Variants in ZNF99 observed in about 807,000 individuals in gnomAD.
ZNF99 encodes the protein zinc finger protein ENSP00000375192.
A neutral mutation model predicts 12.8 loss-of-function variants in ZNF99; 8 were observed. That is an observed-to-expected ratio of 0.62 (90% CI 0.37 to 1.13). The LOEUF is 1.13. Ranked by LOEUF, ZNF99 falls within the 50% of genes most tolerant of loss-of-function variation. ZNF99 has a pLI of 0.02. For missense variants in ZNF99, 1,007 were observed against 1,006.2 expected, an observed-to-expected ratio of 1.00 and a Z score of -0.01; for synonymous variants, 318 against 319.0, an observed-to-expected ratio of 1.00 and a Z score of 0.03.
Position 22,755,490 on chromosome 19 carries a change from G to T in ZNF99, c.*1824C>A, listed in dbSNP as rs2145136807. The T allele has an allele frequency of 3.4e-6, 1 of 291,874 alleles. No homozygotes were observed. The allele number at this position is 291,874 out of a possible 1,614,324, so 18.1% of individuals were successfully genotyped here. A position where few individuals can be genotyped will look rare whatever the true frequency, so the allele number is the denominator to read the frequency against. On this transcript the variant is annotated 3_prime_UTR_variant, in exon 4 of 4. Coordinates refer to ENST00000596209, the MANE Select transcript of ZNF99 (RefSeq NM_001080409.3). ...CTCTAATTTATCTTATATTCAGTAA[G>T]ATCTGAGAACCCGTTAGAAGCTTTG...
chr19:22,756,434 T>C lies in ZNF99; in HGVS notation c.*880A>G. On this transcript the variant is annotated 3_prime_UTR_variant, in exon 4 of 4. Transcript: ENST00000596209. ...AGTAAGGTTTGAGGACTAAATGCTT[T>C]ACCACACTCTTCACATTTGTAGGGT... is the stretch of plus-strand genomic sequence containing the variant. The C allele has an allele frequency of 6.3e-7, 1 of 1,586,478 alleles. No individual in the cohort carries two copies. Among genetic ancestry groups the C allele is most frequent in the Non-Finnish European group, 8.6e-7 (1 of 1,167,824 alleles).
Position 22,754,328 on chromosome 19 carries a change from T to C in ZNF99, c.*2986A>G, listed in dbSNP as rs558669091. The stretch of plus-strand genomic sequence containing the variant: ...GTTGCAATGAACTGAGATTGCACCA[T>C]TGCACTCCAATTTGGGCGACAGAGT... On this transcript the variant is annotated 3_prime_UTR_variant, in exon 4 of 4. Transcript: ENST00000596209. 285 of 434,402 alleles carry C rather than the reference T, an allele frequency of 6.6e-4. 1 individual carries two copies. The highest frequency in any genetic ancestry group is 4.5e-3 in the South Asian group (274 of 60,720). 26.9% of individuals were successfully genotyped at this position (434,402 alleles called of 1,614,324 possible).
chr19:22,768,775 A>AT (rs1447743789), intron 2 of ZNF99, among the ~76,000 whole-genome samples: 4 of 152,096 alleles, frequency 2.6e-5, no homozygotes, highest in African/African-American at 9.7e-5. Flanking sequence ...GCTCACACCT[A>AT]TAATCCCAGC....
At chr19:22,764,762 C>T (rs975187045) in intron 3 of ZNF99, among the ~76,000 whole-genome samples, 1 of 151,990 alleles carries the variant, frequency 6.6e-6, no homozygotes, top group African/African-American at 2.4e-5. Context: ...CAGGGAAATG[C>T]AAATCAAAAC....
Position 22,752,735 on chromosome 19 carries a change from TAA to T in ZNF99, c.*4577_*4578del, listed in dbSNP as rs1357663812. 7 of 152,118 alleles carry T rather than the reference TAA, an allele frequency of 4.6e-5. No individual in the cohort carries two copies. The highest frequency in any genetic ancestry group is 1.2e-4 in the African/African-American group (5 of 41,430). 9.4% of individuals were successfully genotyped at this position (152,118 alleles called of 1,614,324 possible). A position where few individuals can be genotyped will look rare whatever the true frequency, so the allele number is the denominator to read the frequency against. On this transcript the variant is annotated 3_prime_UTR_variant, in exon 4 of 4. Coordinates refer to ENST00000596209, the MANE Select transcript of ZNF99 (RefSeq NM_001080409.3). ...ACATGTCAAAAAATGTTTAAAAAAT[TAA>T]GTTTACATATAATCTAAAAATTTAT...
intron 3 of ZNF99, among the ~76,000 whole-genome samples, chr19:22,763,354 G>A (rs1973170083): frequency 6.6e-6 from 1 of 151,504 alleles, no homozygotes; most frequent in African/African-American, 2.4e-5. Context: ...GAAGCAGAGA[G>A]TCAAATCAAA....
intron 3 of ZNF99, among the ~76,000 whole-genome samples, chr19:22,763,206 C>A (rs765147741): frequency 6.6e-6 from 1 of 152,066 alleles, no homozygotes; most frequent in African/African-American, 2.4e-5. Flanking sequence ...TCACTGTTTG[C>A]GGATGATATG....
At chr19:22,783,486 A>G (rs1973413603) in intron 1 of ZNF99, among the ~76,000 whole-genome samples, 1 of 152,176 alleles carries the variant, frequency 6.6e-6, no homozygotes, top group Non-Finnish European at 1.5e-5. Flanking sequence ...TTTCTTCATT[A>G]TGCACCTTAT....
rs762046090 is a variant in ZNF99, at chr19:22,759,663, T to A, written c.246A>T (p.Thr82=). The change falls in exon 4 of 4, where the codon ACA becomes ACT. Residue 82 remains threonine, a synonymous_variant. Coordinates refer to ENST00000596209, the MANE Select transcript of ZNF99 (RefSeq NM_001080409.3). ...TGCTCTGATCTGGCCAAAAGTCTTG[T>A]GTAAAATGAGAACTAATAACTGGAA... ...TKPPVISSHF[T]QDFWPDQSIK... 1.3e-6 allele frequency: 2 copies of A among 1,546,138 alleles called. No homozygotes were observed. Among genetic ancestry groups the A allele is most frequent in the Non-Finnish European group, 1.7e-6 (2 of 1,153,906 alleles).
intron 3 of ZNF99, among the ~76,000 whole-genome samples, chr19:22,761,890 T>C (rs542005680): frequency 1.8e-4 from 27 of 152,252 alleles, no homozygotes; most frequent in Admixed American, 1.1e-3. Context: ...TGAATAATCA[T>C]TGGGTCAAAC....
rs34161305 is a variant in ZNF99, at chr19:22,755,073, CAAAAAAA to C, written c.*2234_*2240del. On this transcript the variant is annotated 3_prime_UTR_variant, in exon 4 of 4. Coordinates refer to ENST00000596209, the MANE Select transcript of ZNF99 (RefSeq NM_001080409.3). ...GGGCAACTAGGGCGAAACTCTGTTT[CAAAAAAA>C]AAAAAAAAAAAATTGAAGAATGCTT... The C allele has an allele frequency of 8.8e-5, 13 of 146,936 alleles. No individual in the cohort carries two copies. The highest frequency in any genetic ancestry group is 2.4e-4 in the African/African-American group (9 of 37,212). 9.1% of individuals were successfully genotyped at this position (146,936 alleles called of 1,614,324 possible).
intron 1 of ZNF99, among the ~76,000 whole-genome samples, chr19:22,777,777 G>A (rs1008988173): frequency 2.0e-5 from 3 of 152,020 alleles, no homozygotes; most frequent in Non-Finnish European, 4.4e-5. Context: ...AGTGAGATTT[G>A]GCAGGAAACA....
In ZNF99 at chr19:22,756,429, T is replaced by C; in HGVS notation, c.*885A>G. Reference sequence around the variant, plus strand: ...TGTTTAGTAAGGTTTGAGGACTAAATGCTTTACCACACTCTTCACATTTGT... The same window carrying C: ...TGTTTAGTAAGGTTTGAGGACTAAACGCTTTACCACACTCTTCACATTTGT... On this transcript the variant is annotated 3_prime_UTR_variant, in exon 4 of 4. Coordinates refer to ENST00000596209, the MANE Select transcript of ZNF99 (RefSeq NM_001080409.3). 1 of 1,586,814 alleles carries C rather than the reference T, an allele frequency of 6.3e-7. No individual in the cohort carries two copies.
At position 22,758,668 on chromosome 19, in the gene ZNF99, A is replaced by T. The variant is rs1456669067; in HGVS notation, c.1241T>A (p.Val414Glu). 1.9e-6 allele frequency: 3 copies of T among 1,607,160 alleles called. No homozygotes were observed. The highest frequency in any genetic ancestry group is 3.4e-5 in the Admixed American group (2 of 59,494). Reference sequence around the variant, plus strand: ...CTCTGCAGTATGAATTACCTTATGTACAGTAAGTTTTGAGGACCACTTAAA... The same window carrying T: ...CTCTGCAGTATGAATTACCTTATGTTCAGTAAGTTTTGAGGACCACTTAAA... ...KAFKWSSKLTVHKVIHTAEKP... is the reference protein window; with the variant it reads ...KAFKWSSKLTEHKVIHTAEKP... The change falls in exon 4 of 4, where the codon GTA becomes GAA. Residue 414 changes from valine (V) to glutamate (E), a missense_variant. Val to Glu is a moderately radical substitution (Grantham distance 121). Transcript: ENST00000596209.
At chr19:22,776,336 G>A (rs1487571537) in intron 1 of ZNF99, among the ~76,000 whole-genome samples, 1 of 140,270 alleles carries the variant, frequency 7.1e-6, no homozygotes, top group Non-Finnish European at 1.5e-5. Context: ...GGGTGACAGA[G>A]TGAGGCTTCA....
chr19:22,757,643 T>C lies in ZNF99; in HGVS notation c.2266A>G (p.Thr756Ala). 1.2e-6 allele frequency: 2 copies of C among 1,611,940 alleles called. No individual in the cohort carries two copies. Among genetic ancestry groups the C allele is most frequent in the Non-Finnish European group, 1.7e-6 (2 of 1,179,702 alleles). ...SKLTVHKVIH[T>A]AEKPCKCEEC... Reference sequence around the variant, plus strand: ...TCACATTTGCAGGGTTTCTCTGCAGTATGAATTACCTTATGTACAGTAAGT... The same window carrying C: ...TCACATTTGCAGGGTTTCTCTGCAGCATGAATTACCTTATGTACAGTAAGT... The change falls in exon 4 of 4, where the codon ACT becomes GCT. Residue 756 changes from threonine to alanine, a missense_variant. Physicochemically the swap from Thr to Ala is moderately conservative, Grantham distance 58. Coordinates refer to ENST00000596209, the MANE Select transcript of ZNF99 (RefSeq NM_001080409.3).
chr19:22,768,074 C>G (rs1323713970), intron 3 of ZNF99, among the ~76,000 whole-genome samples: 4 of 152,170 alleles, frequency 2.6e-5, no homozygotes. Context: ...AACTTTGGCT[C>G]TCACTGTAAA....
At position 22,758,417 on chromosome 19, in the gene ZNF99, C is replaced by G; in HGVS notation, c.1492G>C (p.Val498Leu). The G allele has an allele frequency of 6.2e-7, 1 of 1,601,820 alleles. No individual in the cohort carries two copies. Among genetic ancestry groups the G allele is most frequent in the Non-Finnish European group, 8.5e-7 (1 of 1,172,912 alleles). The change falls in exon 4 of 4, where the codon GTA (valine) becomes CTA (leucine). Residue 498 changes from valine to leucine, a missense_variant. By Grantham distance (32) the Val-to-Leu change is conservative. Coordinates refer to ENST00000596209, the MANE Select transcript of ZNF99 (RefSeq NM_001080409.3). Reference sequence around the variant, plus strand: ...TCTTCCATATGAATTACCTTATGTACAGTAAGTTTTGAGGACCACTTAAAA... The same window carrying G: ...TCTTCCATATGAATTACCTTATGTAGAGTAAGTTTTGAGGACCACTTAAAA... ...KAFKWSSKLT[V>L]HKVIHMEEKP...
At chr19:22,776,732 A>T (rs1973333445) in intron 1 of ZNF99, among the ~76,000 whole-genome samples, 1 of 152,204 alleles carries the variant, frequency 6.6e-6, no homozygotes, top group African/African-American at 2.4e-5. Flanking sequence ...ATATACCCAA[A>T]GAAATAAAAA....
Sources: allele counts gnomAD v4.1 joint callset (sites outside exome capture counted in the v4.1 genomes callset), GRCh38; gene constraint gnomAD v4.1.1; transcripts MANE v1.5; gene names NCBI Gene and HGNC (gene_info 2026-07-23, HGNC 2026-07-21).